ARHGEF18: variants seen among roughly 807,000 people sequenced by gnomAD.
The protein encoded by ARHGEF18 is rho guanine nucleotide exchange factor 18.
Under a neutral mutation model 155.7 loss-of-function variants are expected in ARHGEF18, and 93 were observed. That is an observed-to-expected ratio of 0.60 (90% CI 0.50 to 0.71). The LOEUF (loss-of-function observed/expected upper bound fraction) is 0.71. ARHGEF18 is among the 30% of genes least tolerant of loss of function. The probability of loss-of-function intolerance (pLI) is 0.00; values close to 1 mark genes in which losing one functional copy is unlikely to be tolerated. For missense variants in ARHGEF18, 1,593 were observed against 1,816.1 expected (o/e 0.88, Z 2.23); for synonymous variants, 742 against 753.1 (o/e 0.99, Z 0.24).
At chr19:7,372,693 A>G in intron 2 of ARHGEF18, 119 bp from the exon 3 acceptor site, 1 of 1,046,924 alleles carries the variant, frequency 9.6e-7, no homozygotes, top group Non-Finnish European at 1.2e-6. Context: ...CAGGAGGGAC[A>G]GGTAGGGGAC....
intron 17 of ARHGEF18, 75 bp from the exon 18 acceptor site, chr19:7,456,252 C>G (rs1023779544): frequency 1.5e-6 from 2 of 1,351,714 alleles, no homozygotes; most frequent in Non-Finnish European, 2.1e-6. Context: ...TGGGAAGTGG[C>G]ATCCGCGGGG....
chr19:7,465,005 G>A (rs919779810), intron 23 of ARHGEF18, among the ~76,000 whole-genome samples: 3 of 152,182 alleles, frequency 2.0e-5, no homozygotes, highest in East Asian at 1.9e-4. Context: ...GGGCAGGTGT[G>A]GTGGTGCCTA....
intron 10 of ARHGEF18, among the ~76,000 whole-genome samples, chr19:7,412,350 C>G (rs1972737726): frequency 1.3e-5 from 2 of 151,766 alleles, no homozygotes; most frequent in Admixed American, 1.3e-4. Context: ...AAGCTGTCTT[C>G]CATAGCAGCT....
chr19:7,386,769 C>G (rs1346882315), intron 10 of ARHGEF18, among the ~76,000 whole-genome samples: 1 of 152,026 alleles, frequency 6.6e-6, no homozygotes, highest in Non-Finnish European at 1.5e-5. Context: ...ACTTGTCACT[C>G]GATAGCTGAG....
intron 8 of ARHGEF18, 135 bp downstream of exon 8, chr19:7,381,129 A>C: frequency 1.7e-6 from 1 of 581,632 alleles, no homozygotes; most frequent in Non-Finnish European, 2.5e-6. Context: ...GGGAGCTGGC[A>C]GGAAAGGGAG....
chr19:7,415,075 C>A (rs1490212689), intron 10 of ARHGEF18, among the ~76,000 whole-genome samples: 1 of 152,110 alleles, frequency 6.6e-6, no homozygotes, highest in Non-Finnish European at 1.5e-5. Context: ...TCCCCTCCCC[C>A]AAAATAAAAA....
At chr19:7,352,425 G>C (rs1211895701) in intron 1 of ARHGEF18, among the ~76,000 whole-genome samples, 3 of 151,200 alleles carry the variant, frequency 2.0e-5, no homozygotes, top group Admixed American at 1.3e-4. Context: ...AGGTTCTCAG[G>C]CTTTTTCTGG....
At chr19:7,382,328 G>A (rs908890693) in intron 8 of ARHGEF18, among the ~76,000 whole-genome samples, 7 of 152,036 alleles carry the variant, frequency 4.6e-5, no homozygotes, top group African/African-American at 7.2e-5. Context: ...CCTGGAGGCA[G>A]AGGCTGCAGT....
At chr19:7,376,543 T>A in intron 4 of ARHGEF18, 100 bp from the exon 5 acceptor site, 1 of 616,672 alleles carries the variant, frequency 1.6e-6, no homozygotes, top group Non-Finnish European at 2.3e-6. Context: ...CCCATTTCTG[T>A]GGAGGTGGCC....
rs12979791 is a variant in ARHGEF18 at position 7,362,104 on chromosome 19, A to G, written c.-110-677A>G. ...GAAGGAGAAGGAGAAGGAGAAGGAG[A>G]AGGAGAAGGAGAAGGAGAAGGAGAA... is the stretch of plus-strand genomic sequence containing the variant. On this transcript the variant is annotated intron_variant, in intron 1 of 28. Coordinates refer to ENST00000668164, the MANE Select transcript of ARHGEF18 (RefSeq NM_001367823.1). 1.7e-3 allele frequency among the ~76,000 whole-genome samples: 39 copies of G among 22,700 alleles called. 2 individuals carry two copies. The East Asian group carries it at 0.032, about 19-fold the overall frequency. The allele number at this position is 22,700 out of a possible 152,430, so 14.9% of individuals were successfully genotyped here.
At chr19:7,474,685 T>C (rs1445831664), downstream of ARHGEF18, among the ~76,000 whole-genome samples, 1 of 151,944 alleles carries the variant, frequency 6.6e-6, no homozygotes, top group African/African-American at 2.4e-5. Flanking sequence ...GTCTATTTTT[T>C]CTTCATTGTG....
intron 25 of ARHGEF18, 43 bp downstream of exon 25, chr19:7,467,161 G>A (rs777575012): frequency 3.2e-6 from 5 of 1,578,798 alleles, no homozygotes; most frequent in Non-Finnish European, 4.3e-6. Context: ...CCCTTTCCTG[G>A]TTGGCTGGGG....
chr19:7,416,291 A>C lies in ARHGEF18; in HGVS notation c.968-24053A>C, dbSNP rs374679496. 1.4e-4 allele frequency among the ~76,000 whole-genome samples: 21 copies of C among 152,194 alleles called. No individual in the cohort carries two copies. The East Asian group carries it at 2.9e-3, about 21-fold the overall frequency. On this transcript the variant is annotated intron_variant, in intron 10 of 28. Coordinates refer to ENST00000668164, the MANE Select transcript of ARHGEF18 (RefSeq NM_001367823.1). Reference sequence around the variant, plus strand: ...CATGGTGTCACACACCTGTGGTCTCAGCTACTTGGGAGGCTGAGGCAGGAG... The same window carrying C: ...CATGGTGTCACACACCTGTGGTCTCCGCTACTTGGGAGGCTGAGGCAGGAG...
At chr19:7,456,243 G>A (rs1975816980) in intron 17 of ARHGEF18, 84 bp from the exon 18 acceptor site, 1 of 1,236,668 alleles carries the variant, frequency 8.1e-7, no homozygotes, top group African/African-American at 1.5e-5. Flanking sequence ...ACACCTTCCT[G>A]GGAAGTGGCA....
At chr19:7,394,554 T>G (rs1410835692) in intron 10 of ARHGEF18, among the ~76,000 whole-genome samples, 7 of 149,974 alleles carry the variant, frequency 4.7e-5, no homozygotes, top group African/African-American at 1.5e-4. Context: ...TGGGGTCCCC[T>G]TAACCCCGCT....
At chr19:7,465,349 G>A (rs575478602) in intron 23 of ARHGEF18, among the ~76,000 whole-genome samples, 11 of 152,192 alleles carry the variant, frequency 7.2e-5, no homozygotes, top group East Asian at 5.8e-4. Flanking sequence ...AGCAGGGGCC[G>A]GGTGCAGTGC....
intron 6 of ARHGEF18, among the ~76,000 whole-genome samples, chr19:7,378,743 A>C (rs534318357): frequency 8.2e-6 from 1 of 122,324 alleles, no homozygotes; most frequent in East Asian, 2.9e-4. Flanking sequence ...CCCAGGCTGG[A>C]GTACAGTGGC....
At chr19:7,455,961 G>C (rs559049422) in intron 17 of ARHGEF18, among the ~76,000 whole-genome samples, 1 of 152,326 alleles carries the variant, frequency 6.6e-6, no homozygotes, top group African/African-American at 2.4e-5. Flanking sequence ...CAGCACGTGG[G>C]AATTCAAGAT....
At chr19:7,413,387 C>T (rs1241484045) in intron 10 of ARHGEF18, among the ~76,000 whole-genome samples, 7 of 151,676 alleles carry the variant, frequency 4.6e-5, no homozygotes, top group Admixed American at 4.6e-4. Flanking sequence ...CTGCAAGCTC[C>T]ACCTCCTGGG....
Sources: allele counts gnomAD v4.1 joint callset (sites outside exome capture counted in the v4.1 genomes callset), GRCh38; gene constraint gnomAD v4.1.1; transcripts MANE v1.5; gene names NCBI Gene and HGNC (gene_info 2026-07-23, HGNC 2026-07-21).